NTRK3: variants seen among roughly 807,000 people sequenced by gnomAD.
NTRK3 encodes NT-3 growth factor receptor.
Under a neutral mutation model 91.7 loss-of-function variants are expected in NTRK3, and 24 were observed. The ratio of observed to expected loss-of-function variants is 0.26; its 90% confidence interval spans 0.19 to 0.37. The LOEUF is 0.37. Ranked by LOEUF, NTRK3 falls within the 10% of genes least tolerant of loss-of-function variation. The probability of loss-of-function intolerance (pLI) is 1.00; values close to 1 mark genes in which losing one functional copy is unlikely to be tolerated. For missense variants in NTRK3, 880 were observed against 1,068.9 expected, an observed-to-expected ratio of 0.82 and a Z score of 2.46; for synonymous variants, 483 against 404.0, an observed-to-expected ratio of 1.20 and a Z score of -2.34.
chr15:87,922,022 G>C (rs920932508), intron 17 of NTRK3, among the ~76,000 whole-genome samples: 6 of 152,188 alleles, frequency 3.9e-5, no homozygotes. Flanking sequence ...GGGCAGAGAA[G>C]AGAGGTACCA....
At chr15:88,034,850 C>A (rs2078930672) in intron 13 of NTRK3, among the ~76,000 whole-genome samples, 1 of 152,174 alleles carries the variant, frequency 6.6e-6, no homozygotes, top group Non-Finnish European at 1.5e-5. Context: ...TCACAATAAT[C>A]ACTTGCCTTG....
At chr15:88,135,630 C>T (rs895470211) in intron 9 of NTRK3, among the ~76,000 whole-genome samples, 10 of 152,192 alleles carry the variant, frequency 6.6e-5, no homozygotes, top group East Asian at 3.9e-4. Context: ...TTAGGGGTTT[C>T]ATAAAAGGCA....
At chr15:88,115,680 CTGCCAACTA>C (rs2051973118) in intron 13 of NTRK3, among the ~76,000 whole-genome samples, 2 of 152,108 alleles carry the variant, frequency 1.3e-5, no homozygotes, top group Non-Finnish European at 2.9e-5. Flanking sequence ...CTCTGGTCTT[CTGCCAACTA>C]TGCAACTCTT....
rs75281966 is a variant in NTRK3, at chr15:88,051,873, C to A, written c.1397-18828G>T. 9.1e-4 allele frequency among the ~76,000 whole-genome samples: 138 copies of A among 152,336 alleles called. 2 individuals carry two copies. The East Asian group carries it at 0.025, about 28-fold the overall frequency. On this transcript the variant is annotated intron_variant, in intron 13 of 18. Transcript: ENST00000394480. ...CAGCATCTATATGCCCTAAAGTCTT[C>A]CATTCCATGCTAGGGGATCACAGTT...
chr15:88,128,595 C>G (rs2053522309), intron 11 of NTRK3, 116 bp downstream of exon 11: 1 of 1,128,220 alleles, frequency 8.9e-7, no homozygotes, highest in Non-Finnish European at 1.4e-6. Flanking sequence ...CTCAGATGCC[C>G]TCAGCTGCCA....
At chr15:88,182,910 G>T (rs1305870508) in intron 5 of NTRK3, among the ~76,000 whole-genome samples, 1 of 152,104 alleles carries the variant, frequency 6.6e-6, no homozygotes, top group Non-Finnish European at 1.5e-5. Flanking sequence ...AAAGCTGTGT[G>T]ACATTACACA....
intron 3 of NTRK3, among the ~76,000 whole-genome samples, chr15:88,199,015 C>A (rs1004844194): frequency 2.6e-5 from 4 of 152,158 alleles, no homozygotes; most frequent in Non-Finnish European, 4.4e-5. Context: ...ATATTTGAGA[C>A]AAGTAACACT....
At chr15:88,208,066 C>A (rs1217145605) in intron 3 of NTRK3, among the ~76,000 whole-genome samples, 1 of 152,106 alleles carries the variant, frequency 6.6e-6, no homozygotes, top group Non-Finnish European at 1.5e-5. Flanking sequence ...CTGTTGCAGT[C>A]CTCTAGCCAC....
rs188717477 is a variant in NTRK3, at chr15:88,242,087, C to T, written c.248+13819G>A. Among the ~76,000 whole-genome samples, 60 of 152,290 alleles carry T rather than the reference C, an allele frequency of 3.9e-4. No homozygotes were observed. The East Asian group carries it at 0.011, about 29-fold the overall frequency. Reference sequence around the variant, plus strand: ...ACGGTTGCCTGGGAAGAGCACGTAGCCACCTGCGCATGGACACACTGATGC... The same window carrying T: ...ACGGTTGCCTGGGAAGAGCACGTAGTCACCTGCGCATGGACACACTGATGC... On this transcript the variant is annotated intron_variant, in intron 3 of 18. Transcript: ENST00000394480.
chr15:88,154,757 T>C (rs900216792), intron 5 of NTRK3, among the ~76,000 whole-genome samples: 12 of 152,180 alleles, frequency 7.9e-5, no homozygotes, highest in African/African-American at 2.9e-4. Flanking sequence ...AATATGTTCA[T>C]GGGTATTTCA....
intron 14 of NTRK3, among the ~76,000 whole-genome samples, 168 bp from the exon 15 acceptor site, chr15:87,940,921 G>A (rs1176714246): frequency 6.6e-6 from 1 of 152,136 alleles, no homozygotes; most frequent in Non-Finnish European, 1.5e-5. Context: ...ATCCCTCTGT[G>A]GTTTGAGAGT....
intron 5 of NTRK3, among the ~76,000 whole-genome samples, chr15:88,151,421 A>G (rs2043365274): frequency 1.3e-5 from 2 of 152,110 alleles, no homozygotes; most frequent in Non-Finnish European, 2.9e-5. Flanking sequence ...CTCTGGCATT[A>G]ACCCCATAAT....
At chr15:88,017,118 T>A (rs2141843255) in intron 14 of NTRK3, among the ~76,000 whole-genome samples, 1 of 152,318 alleles carries the variant, frequency 6.6e-6, no homozygotes, top group Admixed American at 6.5e-5. Flanking sequence ...AGGTTTCTGA[T>A]AGACCAGAGG....
chr15:87,936,674 A>G (rs1219934666), intron 15 of NTRK3, among the ~76,000 whole-genome samples: 1 of 152,094 alleles, frequency 6.6e-6, no homozygotes, highest in Non-Finnish European at 1.5e-5. Context: ...CTAAGTGGTA[A>G]AACACACACA....
At chr15:88,031,061 G>A (rs2078489930) in intron 14 of NTRK3, among the ~76,000 whole-genome samples, 1 of 152,206 alleles carries the variant, frequency 6.6e-6, no homozygotes, top group South Asian at 2.1e-4. Flanking sequence ...TGCTCAGGAA[G>A]AGTGACAGTG....
intron 17 of NTRK3, among the ~76,000 whole-genome samples, chr15:87,891,303 C>T (rs11631866): frequency 0.49 from 75,008 of 152,024 alleles, 21,056 homozygotes; most frequent in Non-Finnish European, 0.63. Flanking sequence ...GGTGAAGCCA[C>T]CAGTGTAATA....
At chr15:87,864,202 C>T (rs2064602396) in exon 19 of NTRK3, 1 of 232,622 alleles carries the variant, frequency 4.3e-6, no homozygotes, top group East Asian at 6.0e-5. Flanking sequence ...TCCACCATGG[C>T]CCCCACATAA....
chr15:87,885,381 G>A (rs1028055212), intron 17 of NTRK3, among the ~76,000 whole-genome samples: 1 of 151,770 alleles, frequency 6.6e-6, no homozygotes, highest in African/African-American at 2.4e-5. Context: ...CAAATGAAAT[G>A]GTGTATGGAA....
chr15:88,030,239 G>A (rs557432801), intron 14 of NTRK3, among the ~76,000 whole-genome samples: 16 of 152,140 alleles, frequency 1.1e-4, no homozygotes, highest in African/African-American at 1.4e-4. Context: ...CTGAAGAACC[G>A]TCTGGATCCT....
Sources: gnomAD v4.1 joint callset for allele counts (sites outside exome capture counted in the v4.1 genomes callset) on GRCh38, gnomAD v4.1.1 for gene constraint, MANE v1.5 for transcripts, NCBI Gene and HGNC (gene_info 2026-07-23, HGNC 2026-07-21) for gene names.